The following ROBO2 variants were observed in gnomAD, a reference collection of about 807,000 sequenced individuals.
ROBO2 encodes roundabout homolog 2.
In ROBO2, 53 loss-of-function variants were observed where a neutral mutation model predicts 160.8. The observed-to-expected ratio is 0.33, with a 90% CI of 0.26 to 0.41. The LOEUF is 0.41. Among genes scored for constraint, ROBO2 ranks in the 10% least tolerant of loss-of-function variants. The pLI is 1.00. For missense variants in ROBO2, 1,577 were observed against 1,722.4 expected, an observed-to-expected ratio of 0.92 and a Z score of 1.49; for synonymous variants, 664 against 611.7, an observed-to-expected ratio of 1.09 and a Z score of -1.26.
At chr3:77,462,165 G>T (rs1277708723) in intron 2 of ROBO2, among the ~76,000 whole-genome samples, 1 of 152,048 alleles carries the variant, frequency 6.6e-6, no homozygotes, top group Non-Finnish European at 1.5e-5. Flanking sequence ...ACTGTAAGCC[G>T]CTCTCAACTA....
At chr3:77,131,411 G>A (rs2075841843) in intron 2 of ROBO2, among the ~76,000 whole-genome samples, 1 of 152,128 alleles carries the variant, frequency 6.6e-6, no homozygotes, top group South Asian at 2.1e-4. Flanking sequence ...CTCATATCTA[G>A]CATGTTTTTC....
intron 14 of ROBO2, among the ~76,000 whole-genome samples, chr3:77,576,378 A>G (rs1048973968): frequency 2.0e-5 from 3 of 152,124 alleles, no homozygotes; most frequent in Admixed American, 1.3e-4. Flanking sequence ...GATAGTTTCA[A>G]AAAACTAAAC....
At chr3:77,065,592 G>A (rs2066756369) in intron 1 of ROBO2, among the ~76,000 whole-genome samples, 1 of 152,030 alleles carries the variant, frequency 6.6e-6, no homozygotes, top group Admixed American at 6.6e-5. Context: ...TCAATCAATG[G>A]CCATCATCCA....
At chr3:76,192,559 C>T (rs1183051001) in intron 2 of ROBO2, among the ~76,000 whole-genome samples, 1 of 150,356 alleles carries the variant, frequency 6.7e-6, no homozygotes, top group African/African-American at 2.4e-5. Flanking sequence ...CACACACACA[C>T]ACACACACAC....
chr3:77,107,744 C>T (rs1454024396), intron 2 of ROBO2, among the ~76,000 whole-genome samples: 1 of 152,122 alleles, frequency 6.6e-6, no homozygotes, highest in African/African-American at 2.4e-5. Context: ...GAGAGCCAGG[C>T]CGTTTCCTAG....
intron 2 of ROBO2, among the ~76,000 whole-genome samples, chr3:76,255,503 C>G (rs1706298942): frequency 1.3e-5 from 2 of 152,018 alleles, no homozygotes; most frequent in Admixed American, 1.3e-4. Flanking sequence ...AGGAACTGGT[C>G]TCCAAAATTG....
intron 5 of ROBO2, 151 bp from the exon 6 acceptor site, chr3:77,522,624 T>A: frequency 1.4e-6 from 1 of 733,598 alleles, no homozygotes; most frequent in East Asian, 2.6e-5. Context: ...ATATCTTTAA[T>A]CTAAGTAATT....
chr3:75,920,309 G>A (rs1212446978), intron 1 of ROBO2, among the ~76,000 whole-genome samples: 1 of 152,160 alleles, frequency 6.6e-6, no homozygotes, highest in Non-Finnish European at 1.5e-5. Flanking sequence ...TCAGAAGCAG[G>A]TTGTTCAGTT....
At chr3:77,245,758 G>T (rs1328688055) in intron 2 of ROBO2, among the ~76,000 whole-genome samples, 12 of 152,172 alleles carry the variant, frequency 7.9e-5, no homozygotes, top group Non-Finnish European at 1.5e-5. Flanking sequence ...ACTGTGTTTA[G>T]CAGAACATAA....
rs142151943 is a variant in ROBO2, at chr3:76,035,588, G to A, written c.109+97986G>A. On this transcript the variant is annotated intron_variant, in intron 2 of 26. Transcript: ENST00000487694. ...ACCAGCAACTCCAATTTTTCTTTCA[G>A]AAGTCTGTTAAGACATAATGTTTGA... Among the ~76,000 whole-genome samples the A allele has an allele frequency of 2.6e-5, 4 of 152,082 alleles. No individual in the cohort carries two copies. In the East Asian group the frequency reaches 7.7e-4, roughly 29 times the overall value.
chr3:76,521,454 A>C (rs2081613768), intron 2 of ROBO2, among the ~76,000 whole-genome samples: 1 of 152,184 alleles, frequency 6.6e-6, no homozygotes, highest in East Asian at 1.9e-4. Context: ...CAAGGAGAAC[A>C]GCAGAGATGC....
chr3:77,322,999 ATT>A (rs1491185112), intron 2 of ROBO2, among the ~76,000 whole-genome samples: 197 of 1,116 alleles, frequency 0.18, 7 homozygotes, highest in African/African-American at 0.22. Flanking sequence ...AATATAATAT[ATT>A]ATATTATATT....
intron 2 of ROBO2, among the ~76,000 whole-genome samples, chr3:77,208,457 G>A (rs972441325): frequency 4.6e-5 from 7 of 152,022 alleles, no homozygotes; most frequent in Admixed American, 1.3e-4. Flanking sequence ...TACACAAGCC[G>A]GCATGGTCAA....
At chr3:76,052,672 G>A (rs2067695990) in intron 2 of ROBO2, among the ~76,000 whole-genome samples, 1 of 151,986 alleles carries the variant, frequency 6.6e-6, no homozygotes, top group Non-Finnish European at 1.5e-5. Context: ...CCTTCACTAT[G>A]TTGATGTCTT....
At chr3:77,490,077 T>C (rs1412664822) in intron 4 of ROBO2, among the ~76,000 whole-genome samples, 1 of 151,104 alleles carries the variant, frequency 6.6e-6, no homozygotes, top group Non-Finnish European at 1.5e-5. Flanking sequence ...CGGACTTCAA[T>C]GGGCATGACT....
At chr3:76,571,013 T>G (rs1306532390) in intron 2 of ROBO2, among the ~76,000 whole-genome samples, 1 of 152,140 alleles carries the variant, frequency 6.6e-6, no homozygotes, top group Non-Finnish European at 1.5e-5. Context: ...AAAGAAGTCT[T>G]AAAATATCAT....
chr3:77,029,806 A>G (rs2063198853), intron 2 of ROBO2, among the ~76,000 whole-genome samples: 1 of 152,244 alleles, frequency 6.6e-6, no homozygotes, highest in Admixed American at 6.5e-5. Flanking sequence ...AAAAGACAAT[A>G]TCTAAATTAC....
chr3:76,319,725 A>G (rs2072352339), intron 2 of ROBO2, among the ~76,000 whole-genome samples: 1 of 151,256 alleles, frequency 6.6e-6, no homozygotes, highest in Non-Finnish European at 1.5e-5. Context: ...TTGTTTGTTT[A>G]TTTATATTTT....
intron 2 of ROBO2, among the ~76,000 whole-genome samples, chr3:77,436,247 A>G (rs553028960): frequency 6.6e-6 from 1 of 151,836 alleles, no homozygotes; most frequent in Non-Finnish European, 1.5e-5. Flanking sequence ...ATCACAAAGT[A>G]GTAATTAATC....
Sources: gnomAD v4.1 joint callset for allele counts (sites outside exome capture counted in the v4.1 genomes callset) on GRCh38, gnomAD v4.1.1 for gene constraint, MANE v1.5 for transcripts, NCBI Gene and HGNC (gene_info 2026-07-23, HGNC 2026-07-21) for gene names.